Variants in SLC9C1 observed in about 807,000 individuals in gnomAD.
The protein encoded by SLC9C1 is sodium/hydrogen exchanger 10.
Under a neutral mutation model 140.9 loss-of-function variants are expected in SLC9C1, and 97 were observed. The ratio of observed to expected loss-of-function variants is 0.69; its 90% confidence interval spans 0.58 to 0.82. The LOEUF (loss-of-function observed/expected upper bound fraction) is 0.82, where lower values mean the gene tolerates loss of function less well. Among genes scored for constraint, SLC9C1 ranks in the 40% least tolerant of loss-of-function variants. SLC9C1 has a pLI of 0.00. For missense variants in SLC9C1, 1,340 were observed against 1,389.3 expected (o/e 0.96, Z 0.56); for synonymous variants, 440 against 442.6 (o/e 0.99, Z 0.07).
chr3:112,196,550 C>T (rs1160640818), intron 20 of SLC9C1, among the ~76,000 whole-genome samples: 1 of 152,080 alleles, frequency 6.6e-6, no homozygotes, highest in Non-Finnish European at 1.5e-5. Flanking sequence ...CCCTTAGGCT[C>T]TGTTAACTTT....
intron 26 of SLC9C1, among the ~76,000 whole-genome samples, chr3:112,159,391 A>G (rs1360347696): frequency 2.0e-5 from 3 of 151,656 alleles, no homozygotes; most frequent in Non-Finnish European, 2.9e-5. Context: ...CCTCTGATTG[A>G]TTTCTAGTTT....
Position 112,167,131 on chromosome 3 carries a change from A to G in SLC9C1, c.3364+90T>C. 3.5e-6 allele frequency: 5 copies of G among 1,440,144 alleles called. No individual in the cohort carries two copies. In the South Asian group the frequency reaches 6.2e-5, roughly 18 times the overall value. The allele number at this position is 1,440,144 out of a possible 1,614,324, so 89.2% of individuals were successfully genotyped here. On this transcript the variant is annotated intron_variant, in intron 26 of 28. Coordinates refer to ENST00000305815, the MANE Select transcript of SLC9C1 (RefSeq NM_183061.3). ...AAAAGGATTCCTCAATATATTAGGC[A>G]GAATGCAAACAACAGTTTCCAAATA...
Position 112,217,536 on chromosome 3 carries a change from T to G in SLC9C1, c.1696A>C (p.Asn566His). 1 of 1,606,162 alleles carries G rather than the reference T, an allele frequency of 6.2e-7. No homozygotes were observed. Among genetic ancestry groups the G allele is most frequent in the Non-Finnish European group, 8.5e-7 (1 of 1,176,284 alleles). Residue 566 changes from asparagine to histidine, a missense_variant, in exon 15 of 29, where the codon AAT becomes CAT. Transcript: ENST00000305815. ...ACTGTTTTTTGGCTTTCAGAATAATTCTTTATTGTATCAAGACTCATACAT... is the reference window on the plus strand; with the variant it reads ...ACTGTTTTTTGGCTTTCAGAATAATGCTTTATTGTATCAAGACTCATACAT... ...GKCMSLDTIK[N>H]YSESQKTVTF... is the part of the protein sequence containing the mutation.
chr3:112,283,843 CAA>C (rs386397631), intron 2 of SLC9C1, among the ~76,000 whole-genome samples: 9 of 111,944 alleles, frequency 8.0e-5, no homozygotes, highest in African/African-American at 7.0e-5. Flanking sequence ...AATCACTGTG[CAA>C]AAAAAAAAAA....
Position 112,288,042 on chromosome 3 carries a change from CAAAAAA to C in SLC9C1, c.-87-1170_-87-1165del, listed in dbSNP as rs11462109. Among the ~76,000 whole-genome samples, 4 of 81,804 alleles carry C rather than the reference CAAAAAA, an allele frequency of 4.9e-5. 1 individual carries two copies. In the East Asian group the frequency reaches 1.2e-3, roughly 24 times the overall value. The allele number at this position is 81,804 out of a possible 152,430, so 53.7% of individuals were successfully genotyped here. A position where few individuals can be genotyped will look rare whatever the true frequency, so the allele number is the denominator to read the frequency against. On this transcript the variant is annotated intron_variant, in intron 1 of 28. Transcript: ENST00000305815. ...TGGGCCACAGAGCAAGACTCCGTCTCAAAAAAAAAAAAAAAAAAAAAAGGAAAAGGA... is the reference window on the plus strand; with the variant it reads ...TGGGCCACAGAGCAAGACTCCGTCTCAAAAAAAAAAAAAAAAGGAAAAGGA...
chr3:112,239,514 G>C (rs2108213115), intron 12 of SLC9C1, among the ~76,000 whole-genome samples: 1 of 152,332 alleles, frequency 6.6e-6, no homozygotes, highest in South Asian at 2.1e-4. Context: ...ACCTCAGTTG[G>C]AAATGCAGAA....
chr3:112,219,558 T>A (rs1453016254), intron 14 of SLC9C1, among the ~76,000 whole-genome samples: 2 of 152,196 alleles, frequency 1.3e-5, no homozygotes, highest in Non-Finnish European at 2.9e-5. Context: ...GGCAGTGGGC[T>A]GAATTGCTCT....
At chr3:112,250,529 A>G (rs543726584) in intron 10 of SLC9C1, among the ~76,000 whole-genome samples, 1 of 150,324 alleles carries the variant, frequency 6.7e-6, no homozygotes, top group Admixed American at 6.7e-5. Flanking sequence ...AGTCCCACCA[A>G]CAGTGTAAAA....
At chr3:112,164,727 T>C (rs372411417) in intron 26 of SLC9C1, among the ~76,000 whole-genome samples, 5 of 151,910 alleles carry the variant, frequency 3.3e-5, no homozygotes, top group South Asian at 2.1e-4. Context: ...ATTTCAACTT[T>C]GGTGAATCTG....
At chr3:112,175,501 C>T (rs1197889823) in intron 23 of SLC9C1, among the ~76,000 whole-genome samples, 1 of 152,222 alleles carries the variant, frequency 6.6e-6, no homozygotes, top group East Asian at 1.9e-4. Context: ...AGGTCCACTC[C>T]AGCCTTCAGT....
intron 16 of SLC9C1, among the ~76,000 whole-genome samples, chr3:112,207,126 T>C (rs1418064120): frequency 6.6e-6 from 1 of 152,212 alleles, no homozygotes; most frequent in Non-Finnish European, 1.5e-5. Context: ...AAATTCCTAC[T>C]ATTTTGTGAT....
At chr3:112,278,619 C>T in intron 4 of SLC9C1, 110 bp downstream of exon 4, 8 of 1,190,702 alleles carry the variant, frequency 6.7e-6, no homozygotes, top group Non-Finnish European at 9.1e-6. Flanking sequence ...TACTCCCATA[C>T]CCTTTTCTTT....
intron 12 of SLC9C1, among the ~76,000 whole-genome samples, chr3:112,232,494 G>T (rs2078855483): frequency 6.6e-6 from 1 of 152,148 alleles, no homozygotes; most frequent in Non-Finnish European, 1.5e-5. Flanking sequence ...CAGTATTCCT[G>T]CAGGCACAAG....
intron 15 of SLC9C1, among the ~76,000 whole-genome samples, chr3:112,215,969 T>C (rs1207678677): frequency 1.2e-4 from 19 of 152,186 alleles, no homozygotes; most frequent in Admixed American, 2.6e-4. Flanking sequence ...TACAAGGCTG[T>C]GGTAACCAAA....
intron 12 of SLC9C1, among the ~76,000 whole-genome samples, chr3:112,232,541 T>A (rs916656303): frequency 6.6e-6 from 1 of 152,154 alleles, no homozygotes; most frequent in Non-Finnish European, 1.5e-5. Flanking sequence ...CTTTAAGCAC[T>A]GGTTCAGTGG....
chr3:112,239,530 C>T lies in SLC9C1; in HGVS notation c.1446+310G>A, dbSNP rs145683411. ...CCTCAGTTGGAAATGCAGAAATCAC[C>T]CGTCTTCTGCATCACTCATGCTGGG... On this transcript the variant is annotated intron_variant, in intron 12 of 28. Transcript: ENST00000305815. 3.6e-3 allele frequency among the ~76,000 whole-genome samples: 553 copies of T among 152,312 alleles called. 3 individuals are homozygous for T. The highest frequency in any genetic ancestry group is 0.012 in the African/African-American group (512 of 41,556).
intron 26 of SLC9C1, among the ~76,000 whole-genome samples, chr3:112,162,529 C>A (rs2075335501): frequency 6.6e-6 from 1 of 152,172 alleles, no homozygotes; most frequent in African/African-American, 2.4e-5. Context: ...TTGAGATAAT[C>A]ATGTGGTTTT....
chr3:112,209,313 T>C (rs1449934950), intron 15 of SLC9C1, among the ~76,000 whole-genome samples: 2 of 152,220 alleles, frequency 1.3e-5, no homozygotes, highest in African/African-American at 4.8e-5. Context: ...TGATGGGAGC[T>C]GCAGAGTTTA....
intron 10 of SLC9C1, among the ~76,000 whole-genome samples, chr3:112,261,622 G>A (rs1576470028): frequency 6.6e-6 from 1 of 152,090 alleles, no homozygotes; most frequent in Non-Finnish European, 1.5e-5. Flanking sequence ...ATTGAGAAAA[G>A]GAGTTCTACT....
Sources: gnomAD v4.1 joint callset for allele counts (sites outside exome capture counted in the v4.1 genomes callset) on GRCh38, gnomAD v4.1.1 for gene constraint, MANE v1.5 for transcripts, NCBI Gene and HGNC (gene_info 2026-07-23, HGNC 2026-07-21) for gene names.